The following RUNX1 variants were observed in gnomAD, a reference collection of about 807,000 sequenced individuals.
RUNX1 encodes the protein RUNX family transcription factor 1, also known as runt-related transcription factor 1.
In RUNX1, 19 loss-of-function variants were observed where a neutral mutation model predicts 42.8. The ratio of observed to expected loss-of-function variants is 0.44; its 90% CI spans 0.31 to 0.65. The LOEUF is 0.65. Among genes scored for constraint, RUNX1 ranks in the 30% least tolerant of loss-of-function variants. The pLI is 0.07. For synonymous variants in RUNX1, 271 were observed against 289.4 expected, an observed-to-expected ratio of 0.94 and a Z score of 0.64; for missense variants, 528 against 672.0, an observed-to-expected ratio of 0.79 and a Z score of 2.37.
intron 2 of RUNX1, among the ~76,000 whole-genome samples, chr21:35,045,955 C>T (rs1342243568): frequency 1.3e-5 from 2 of 152,092 alleles, no homozygotes; most frequent in African/African-American, 2.4e-5. Context: ...GCATAGACCA[C>T]TAAGCCACTT....
intron 7 of RUNX1, among the ~76,000 whole-genome samples, chr21:34,820,855 C>T (rs1358022913): frequency 6.6e-6 from 1 of 152,158 alleles, no homozygotes; most frequent in African/African-American, 2.4e-5. Context: ...GAGGCTACCT[C>T]TGAGGCAGAC....
chr21:35,006,885 C>T lies in RUNX1; in HGVS notation c.58+41957G>A, dbSNP rs184015468. ...AGCTCCTGATTCACCCAGGACAGTC[C>T]CCATTTACTGTACTTGCCACCTCCT... is the stretch of plus-strand genomic sequence containing the variant. On this transcript the variant is annotated intron_variant, in intron 2 of 8. Transcript: ENST00000675419. 1.1e-4 allele frequency among the ~76,000 whole-genome samples: 16 copies of T among 152,224 alleles called. No homozygotes were observed. In the East Asian group the frequency reaches 2.9e-3, roughly 28 times the overall value.
intron 2 of RUNX1, among the ~76,000 whole-genome samples, chr21:34,954,253 G>T (rs957024517): frequency 1.3e-5 from 2 of 152,210 alleles, no homozygotes; most frequent in African/African-American, 4.8e-5. Flanking sequence ...CAGTCCTACA[G>T]TCATAGGCCT....
At chr21:34,856,384 C>T (rs1453231502) in intron 6 of RUNX1, 1 of 518,998 alleles carries the variant, frequency 1.9e-6, no homozygotes, top group South Asian at 1.4e-5. Context: ...CCAAATATGC[C>T]AGCCAATCAT....
intron 7 of RUNX1, among the ~76,000 whole-genome samples, chr21:34,814,059 G>A (rs2056792893): frequency 6.6e-6 from 1 of 152,136 alleles, no homozygotes; most frequent in Admixed American, 6.5e-5. Flanking sequence ...AAAAAAAGAA[G>A]TCACTGGAAA....
chr21:34,919,504 C>T (rs892518674), intron 2 of RUNX1, among the ~76,000 whole-genome samples: 1 of 152,168 alleles, frequency 6.6e-6, no homozygotes, highest in Non-Finnish European at 1.5e-5. Flanking sequence ...TGGGTTTGAC[C>T]AGGCACCATT....
At chr21:34,971,969 TAACTG>T (rs1359149771) in intron 2 of RUNX1, among the ~76,000 whole-genome samples, 5 of 152,242 alleles carry the variant, frequency 3.3e-5, no homozygotes, top group African/African-American at 1.2e-4. Flanking sequence ...TGCAGGGTTA[TAACTG>T]ATCTCTTAGA....
At chr21:34,892,696 G>A (rs2058093605) in intron 3 of RUNX1, among the ~76,000 whole-genome samples, 1 of 152,124 alleles carries the variant, frequency 6.6e-6, no homozygotes, top group Non-Finnish European at 1.5e-5. Context: ...TATGGTAAAC[G>A]CTGTAGAACT....
chr21:34,888,622 G>A (rs2146425615), intron 3 of RUNX1: 2 of 1,056,026 alleles, frequency 1.9e-6, no homozygotes, highest in South Asian at 4.6e-5. Context: ...GCGCAGGGCC[G>A]GGCAGCGTGG....
chr21:35,037,535 T>C (rs11700684), intron 2 of RUNX1, among the ~76,000 whole-genome samples: 8 of 152,176 alleles, frequency 5.3e-5, no homozygotes, highest in African/African-American at 1.9e-4. Flanking sequence ...AACTCCCTCA[T>C]GTGCCAAACA....
At chr21:34,803,891 A>G (rs945058278) in intron 7 of RUNX1, among the ~76,000 whole-genome samples, 2 of 152,210 alleles carry the variant, frequency 1.3e-5, no homozygotes, top group Non-Finnish European at 2.9e-5. Flanking sequence ...AGAGTCAACA[A>G]TGACCCTTTT....
chr21:34,868,125 T>G (rs1011440936), intron 5 of RUNX1, among the ~76,000 whole-genome samples: 6 of 151,992 alleles, frequency 3.9e-5, no homozygotes, highest in Non-Finnish European at 8.8e-5. Flanking sequence ...GAAAGGCAGG[T>G]GAGTGTGGAG....
At chr21:35,043,460 C>T (rs920015114) in intron 2 of RUNX1, among the ~76,000 whole-genome samples, 4 of 151,952 alleles carry the variant, frequency 2.6e-5, no homozygotes, top group African/African-American at 4.8e-5. Context: ...AAAGCAATTA[C>T]GAAAATGAGG....
At chr21:34,855,556 T>C (rs748126950) in intron 6 of RUNX1, among the ~76,000 whole-genome samples, 2 of 152,006 alleles carry the variant, frequency 1.3e-5, no homozygotes, top group Non-Finnish European at 2.9e-5. Context: ...AATACAAAAA[T>C]TAGCTGGGAG....
At chr21:34,979,863 G>A (rs1389503206) in intron 2 of RUNX1, among the ~76,000 whole-genome samples, 1 of 152,092 alleles carries the variant, frequency 6.6e-6, no homozygotes, top group Non-Finnish European at 1.5e-5. Context: ...AGAACAGAGG[G>A]TAGGACCAAG....
chr21:35,044,701 C>T (rs1022536842), intron 2 of RUNX1, among the ~76,000 whole-genome samples: 2 of 152,200 alleles, frequency 1.3e-5, no homozygotes, highest in African/African-American at 4.8e-5. Flanking sequence ...CCTTGGGCTC[C>T]TTATTAAAGT....
chr21:34,982,647 G>C (rs1430474307), intron 2 of RUNX1, among the ~76,000 whole-genome samples: 1 of 152,096 alleles, frequency 6.6e-6, no homozygotes, highest in Non-Finnish European at 1.5e-5. Context: ...TTGGCTTATT[G>C]CAATCTCCGC....
intron 2 of RUNX1, among the ~76,000 whole-genome samples, chr21:35,000,236 C>CTTTTTTTTTT (rs397866864): frequency 2.7e-5 from 3 of 110,968 alleles, no homozygotes; most frequent in Non-Finnish European, 5.6e-5. Flanking sequence ...TTCTTTCTTT[C>CTTTTTTTTTT]TTTTTTTTTT....
chr21:34,891,273 C>T (rs1456791956), intron 3 of RUNX1, among the ~76,000 whole-genome samples: 4 of 152,046 alleles, frequency 2.6e-5, no homozygotes, highest in Admixed American at 1.3e-4. Context: ...CGATAAACCC[C>T]GAGTTTGAAG....
Sources: allele counts gnomAD v4.1 joint callset (sites outside exome capture counted in the v4.1 genomes callset), GRCh38; gene constraint gnomAD v4.1.1; transcripts MANE v1.5; gene names NCBI Gene and HGNC (gene_info 2026-07-23, HGNC 2026-07-21).